Variants in SCN1A observed in about 807,000 individuals in gnomAD.
SCN1A encodes the protein sodium channel protein type 1 subunit alpha.
In SCN1A, 13 loss-of-function variants were observed where a neutral mutation model predicts 193.7. That is an observed-to-expected ratio of 0.07 (90% confidence interval 0.04 to 0.11). SCN1A has a LOEUF of 0.11. Ranked by LOEUF, SCN1A falls within the 10% of genes least tolerant of loss-of-function variation. SCN1A has a pLI of 1.00. For synonymous variants in SCN1A, 781 were observed against 843.6 expected (o/e 0.93, Z 1.29); for missense variants, 1,432 against 2,451.1 (o/e 0.58, Z 8.78).
chr2:166,045,020 C>T, intron 13 of SCN1A, 23 bp downstream of exon 13: 1 of 1,613,272 alleles, frequency 6.2e-7, no homozygotes, highest in Non-Finnish European at 8.5e-7. Context: ...AACCATGCAT[C>T]AGTAAACTCA....
chr2:166,132,283 G>A (rs924882267), upstream of SCN1A, among the ~76,000 whole-genome samples: 1 of 151,986 alleles, frequency 6.6e-6, no homozygotes, highest in Non-Finnish European at 1.5e-5. Flanking sequence ...CCTTTTGATT[G>A]GAATAATCAG....
intron 1 of SCN1A, chr2:166,133,699 T>C (rs1691749431): frequency 6.6e-6 from 1 of 152,162 alleles, no homozygotes; most frequent in African/African-American, 2.4e-5. Context: ...AAGACATTAT[T>C]AATATTTAGT....
intron 4 of SCN1A, among the ~76,000 whole-genome samples, chr2:166,072,789 T>TTCC (rs1684563954): frequency 6.9e-6 from 1 of 144,482 alleles, no homozygotes. Context: ...TGCCTCTTTC[T>TTCC]TTCCTTCCTT....
chr2:166,081,301 T>C (rs1285660447), intron 2 of SCN1A, among the ~76,000 whole-genome samples: 1 of 151,980 alleles, frequency 6.6e-6, no homozygotes, highest in African/African-American at 2.4e-5. Flanking sequence ...TCATTTTCCC[T>C]GTGGCATTTC....
At chr2:166,086,369 C>A (rs1686120296) in intron 2 of SCN1A, among the ~76,000 whole-genome samples, 1 of 152,122 alleles carries the variant, frequency 6.6e-6, no homozygotes, top group Admixed American at 6.6e-5. Flanking sequence ...TCCTCTGCTT[C>A]ACCTTTTAAT....
chr2:166,142,962 G>C (rs1041121403), intron 1 of SCN1A, among the ~76,000 whole-genome samples: 6 of 152,062 alleles, frequency 3.9e-5, no homozygotes, highest in African/African-American at 7.2e-5. Context: ...ATGATTATGA[G>C]GCCTTCCCAG....
In SCN1A at chr2:165,991,180, T is replaced by C; in HGVS notation, c.*65A>G. 1 of 1,452,108 alleles carries C rather than the reference T, an allele frequency of 6.9e-7. No homozygotes were observed. Among genetic ancestry groups the C allele is most frequent in the Non-Finnish European group, 9.4e-7 (1 of 1,063,016 alleles). 90.0% of individuals were successfully genotyped at this position (1,452,108 alleles called of 1,614,324 possible). ...TGACCTCCTAAAGGAGTCCTGTTGATAAAAATACATCACCTTCACAGGCTG... is the reference window on the plus strand; with the variant it reads ...TGACCTCCTAAAGGAGTCCTGTTGACAAAAATACATCACCTTCACAGGCTG... On this transcript the variant is annotated 3_prime_UTR_variant, in exon 29 of 29. Coordinates refer to ENST00000674923, the MANE Select transcript of SCN1A (RefSeq NM_001165963.4).
chr2:166,126,194 C>T (rs1003179862), intron 2 of SCN1A, among the ~76,000 whole-genome samples: 1 of 152,176 alleles, frequency 6.6e-6, no homozygotes, highest in Non-Finnish European at 1.5e-5. Context: ...CCTGTCTACA[C>T]ATTATGTTCC....
At chr2:166,039,331 G>A (rs1389384316) in intron 17 of SCN1A, 92 bp downstream of exon 17, 16 of 1,300,116 alleles carry the variant, frequency 1.2e-5, no homozygotes, top group Non-Finnish European at 1.7e-5. Context: ...AATGCTAATG[G>A]TTGTGTGGCA....
intron 2 of SCN1A, among the ~76,000 whole-genome samples, chr2:166,115,024 G>A (rs958051777): frequency 2.0e-5 from 3 of 151,974 alleles, no homozygotes; most frequent in Admixed American, 6.6e-5. Context: ...ATAAAATATA[G>A]TACTTGAATA....
In SCN1A at chr2:166,073,355, C is replaced by T. The variant is rs746440689; in HGVS notation, c.264+3G>A. On this transcript the variant is annotated splice_donor_region_variant and intron_variant, in intron 4 of 28. Coordinates refer to ENST00000674923, the MANE Select transcript of SCN1A (RefSeq NM_001165963.4). ...CAAAATATGCCTGATAAAAAACACT[C>T]ACTTTCTTATTGATATAGTAGGGGT... is the stretch of plus-strand genomic sequence containing the variant. 2.5e-6 allele frequency: 4 copies of T among 1,613,360 alleles called. No homozygotes were observed. Among genetic ancestry groups the T allele is most frequent in the Middle Eastern group, 1.8e-4 (1 of 5,578 alleles).
intron 19 of SCN1A, among the ~76,000 whole-genome samples, chr2:166,024,544 T>G (rs1694488179): frequency 6.6e-6 from 1 of 152,244 alleles, no homozygotes. Flanking sequence ...TTGGCCAAAT[T>G]GAAAAGCAGA....
rs558530295 is a variant in SCN1A at position 166,080,536 on chromosome 2, G to T, written c.-141-2735C>A. ...AAATATTGGAAATAAGTAGAGTAGTGGGCAATAGAAAACTGGAAGAAGAAT... is the reference window on the plus strand; with the variant it reads ...AAATATTGGAAATAAGTAGAGTAGTTGGCAATAGAAAACTGGAAGAAGAAT... On this transcript the variant is annotated intron_variant, in intron 2 of 28. Coordinates refer to ENST00000674923, the MANE Select transcript of SCN1A (RefSeq NM_001165963.4). Among the ~76,000 whole-genome samples, 42 of 151,718 alleles carry T rather than the reference G, an allele frequency of 2.8e-4. 1 individual carries two copies. The South Asian group carries it at 6.8e-3, about 25-fold the overall frequency.
chr2:166,039,988 C>A (rs1291270312), intron 16 of SCN1A, among the ~76,000 whole-genome samples: 1 of 141,830 alleles, frequency 7.1e-6, no homozygotes, highest in East Asian at 2.0e-4. Context: ...GTAGTGGTGC[C>A]ATCTTGGCTC....
In SCN1A at chr2:166,052,949, A is replaced by G. The variant is rs376845691; in HGVS notation, c.603-6T>C. The G allele has an allele frequency of 1.2e-6, 2 of 1,609,592 alleles. No individual in the cohort carries two copies. Among genetic ancestry groups the G allele is most frequent in the African/African-American group, 2.7e-5 (2 of 74,760 alleles). Reference sequence around the variant, plus strand: ...CCACAAACTCTGTGACGTACCTGTAATAGGGAGTTCACACACAAACACAAA... The same window carrying G: ...CCACAAACTCTGTGACGTACCTGTAGTAGGGAGTTCACACACAAACACAAA... On this transcript the variant is annotated splice_polypyrimidine_tract_variant and splice_region_variant and intron_variant, in intron 7 of 28. Coordinates refer to ENST00000674923, the MANE Select transcript of SCN1A (RefSeq NM_001165963.4).
At chr2:166,073,748 T>C (rs1684724920) in intron 3 of SCN1A, 78 bp from the exon 4 acceptor site, 6 of 1,084,122 alleles carry the variant, frequency 5.5e-6, no homozygotes, top group Non-Finnish European at 6.6e-6. Flanking sequence ...TCATGAAACA[T>C]GAGCTAGAGG....
intron 2 of SCN1A, among the ~76,000 whole-genome samples, chr2:166,097,000 C>T (rs1687453735): frequency 6.6e-6 from 1 of 151,730 alleles, no homozygotes; most frequent in East Asian, 1.9e-4. Context: ...CTTCTTTCTT[C>T]TTTGTGTGTG....
chr2:166,141,711 T>C (rs986336954), intron 1 of SCN1A, among the ~76,000 whole-genome samples: 1 of 147,384 alleles, frequency 6.8e-6, no homozygotes, highest in African/African-American at 2.5e-5. Flanking sequence ...CTTATGTTAT[T>C]TTCTTTCTTT....
intron 4 of SCN1A, among the ~76,000 whole-genome samples, chr2:166,062,724 A>G (rs1216297735): frequency 6.6e-6 from 1 of 152,176 alleles, no homozygotes; most frequent in African/African-American, 2.4e-5. Context: ...AACTGTATAA[A>G]CAAATATTGT....
Sources: allele counts gnomAD v4.1 joint callset (sites outside exome capture counted in the v4.1 genomes callset), GRCh38; gene constraint gnomAD v4.1.1; transcripts MANE v1.5; gene names NCBI Gene and HGNC (gene_info 2026-07-23, HGNC 2026-07-21).